KALRN: variants seen among roughly 807,000 people sequenced by gnomAD.
The protein encoded by KALRN is kalirin.
Under a neutral mutation model 353.7 loss-of-function variants are expected in KALRN, and 70 were observed. The ratio of observed to expected loss-of-function variants is 0.20; its 90% CI spans 0.16 to 0.24. KALRN has a LOEUF of 0.24. KALRN is among the 10% of genes least tolerant of loss of function. The pLI, the probability that KALRN is intolerant of heterozygous loss-of-function variation, is 1.00. For synonymous variants in KALRN, 1,391 were observed against 1,434.8 expected (o/e 0.97, Z 0.69); for missense variants, 2,791 against 3,756.7 (o/e 0.74, Z 6.72).
chr3:124,488,374 T>G, intron 29 of KALRN, 59 bp downstream of exon 29: 2 of 1,139,858 alleles, frequency 1.8e-6, no homozygotes, highest in Non-Finnish European at 2.7e-6. Context: ...GGGGAGCTTG[T>G]ATCATGGGAG....
chr3:124,400,158 G>A (rs1217436482), intron 13 of KALRN, among the ~76,000 whole-genome samples: 4 of 151,920 alleles, frequency 2.6e-5, no homozygotes, highest in African/African-American at 9.7e-5. Context: ...TATATCGAAA[G>A]CTCCAATATC....
At position 124,438,892 on chromosome 3, in the gene KALRN, G is replaced by A. The variant is rs776504013; in HGVS notation, c.3053G>A (p.Cys1018Tyr). 3 of 1,613,120 alleles carry A rather than the reference G, an allele frequency of 1.9e-6. No individual in the cohort carries two copies. Among genetic ancestry groups the A allele is most frequent in the Admixed American group, 3.3e-5 (2 of 59,982 alleles). Reference protein sequence around the residue: ...VAFYKTSEQVCSVLESLEQEY... With the variant: ...VAFYKTSEQVYSVLESLEQEY... ...TTTTCTTCCATGATTCACTAGGTGT[G>A]TAGTGTCCTGGAGAGCTTAGAGCAA... The change falls in exon 18 of 60, where the codon TGT (cysteine) becomes TAT (tyrosine). Residue 1018 changes from cysteine to tyrosine, a missense_variant. Cys to Tyr is a radical substitution (Grantham distance 194). This residue lies in a region of KALRN where 452 missense variants were observed against 575.8 expected (regional missense o/e 0.78). Coordinates refer to ENST00000682506, the MANE Select transcript of KALRN (RefSeq NM_001388419.1).
chr3:124,236,393 C>T (rs925234148), intron 3 of KALRN, among the ~76,000 whole-genome samples: 5 of 152,004 alleles, frequency 3.3e-5, no homozygotes, highest in Non-Finnish European at 7.4e-5. Flanking sequence ...AGCAATTTAG[C>T]CATCTAGGAG....
chr3:124,430,984 C>T (rs911654726), intron 16 of KALRN, among the ~76,000 whole-genome samples: 8 of 152,212 alleles, frequency 5.3e-5, no homozygotes, highest in African/African-American at 1.9e-4. Context: ...TATTAGAAAA[C>T]AAGTATTCAC....
At chr3:124,516,944 A>G (rs936124108) in intron 33 of KALRN, among the ~76,000 whole-genome samples, 6 of 152,044 alleles carry the variant, frequency 3.9e-5, no homozygotes, top group Non-Finnish European at 8.8e-5. Flanking sequence ...CAGCCTCCCT[A>G]GCAGCTGGGA....
chr3:124,049,110 G>A (rs2040800250), intron 1 of KALRN, among the ~76,000 whole-genome samples: 1 of 152,178 alleles, frequency 6.6e-6, no homozygotes, highest in Non-Finnish European at 1.5e-5. Context: ...TAAATAAATG[G>A]TAGAGGCCAT....
intron 1 of KALRN, among the ~76,000 whole-genome samples, chr3:124,202,127 C>T (rs1278874272): frequency 6.6e-6 from 1 of 152,230 alleles, no homozygotes; most frequent in Non-Finnish European, 1.5e-5. Context: ...ATTTTATGTG[C>T]TTGGCATGTT....
At chr3:124,642,806 G>GTTTTTTTTTTGTTGTTGTTGTTTTT (rs1553707031) in intron 37 of KALRN, among the ~76,000 whole-genome samples, 5 of 96,816 alleles carry the variant, frequency 5.2e-5, no homozygotes, top group African/African-American at 2.2e-4. Flanking sequence ...CCCAAGCCTC[G>GTTTTTTTTTTGTTGTTGTTGTTTTT]TTTTTTTTTT....
At chr3:124,413,735 A>G in intron 14 of KALRN, 70 bp downstream of exon 14, 1 of 1,172,872 alleles carries the variant, frequency 8.5e-7, no homozygotes, top group Non-Finnish European at 1.2e-6. Flanking sequence ...GCCTGCAAGG[A>G]GCAGTGCCAC....
rs1030001593 is a variant in KALRN, at chr3:124,717,898, G to A, written c.8415+513G>A. ...GCGATCTCGGCTCGCTGCAACCTCCGCCTCCCAGGTACCAGCGATTCTCCT... is the reference window on the plus strand; with the variant it reads ...GCGATCTCGGCTCGCTGCAACCTCCACCTCCCAGGTACCAGCGATTCTCCT... On this transcript the variant is annotated intron_variant, in intron 59 of 59. Coordinates refer to ENST00000682506, the MANE Select transcript of KALRN (RefSeq NM_001388419.1). 4.0e-5 allele frequency among the ~76,000 whole-genome samples: 6 copies of A among 151,100 alleles called. No individual in the cohort carries two copies. The East Asian group carries it at 6.0e-4, about 15-fold the overall frequency.
intron 10 of KALRN, among the ~76,000 whole-genome samples, chr3:124,348,870 AC>A (rs36102971): frequency 0.33 from 50,133 of 151,854 alleles, 9,030 homozygotes; most frequent in Middle Eastern, 0.46. Context: ...GGCACCTGCC[AC>A]CACACCCGGC....
At chr3:124,421,135 C>T (rs1299787847) in intron 14 of KALRN, among the ~76,000 whole-genome samples, 1 of 152,128 alleles carries the variant, frequency 6.6e-6, no homozygotes, top group Non-Finnish European at 1.5e-5. Flanking sequence ...AGGGAAAGGA[C>T]TTGGACAGAA....
At chr3:124,311,772 G>A (rs2078292151) in intron 6 of KALRN, among the ~76,000 whole-genome samples, 1 of 152,202 alleles carries the variant, frequency 6.6e-6, no homozygotes, top group Non-Finnish European at 1.5e-5. Context: ...TGAATGGATA[G>A]ACAAAATGTA....
At chr3:124,584,988 A>C in intron 34 of KALRN, 27 of 770,122 alleles carry the variant, frequency 3.5e-5, no homozygotes, top group East Asian at 5.6e-5. Flanking sequence ...TAGGGAGGGA[A>C]GGGTTGGGGA....
Position 124,466,148 on chromosome 3 carries a change from C to T in KALRN, c.4031+3515C>T, listed in dbSNP as rs561662293. Among the ~76,000 whole-genome samples, 3 of 151,812 alleles carry T rather than the reference C, an allele frequency of 2.0e-5. No individual in the cohort carries two copies. The South Asian group carries it at 6.3e-4, about 32-fold the overall frequency. On this transcript the variant is annotated intron_variant, in intron 25 of 59. Transcript: ENST00000682506. ...ATGGGGAAATTCCCCAGCACCAAAA[C>T]TTCTTTAAAGAACAGTTTAATATGT...
chr3:124,303,813 C>T (rs556224687), intron 6 of KALRN, among the ~76,000 whole-genome samples: 1 of 152,268 alleles, frequency 6.6e-6, no homozygotes, highest in South Asian at 2.1e-4. Context: ...GCCAAAGGCA[C>T]ATATTGCCAC....
chr3:124,070,130 A>G (rs950377470), intron 1 of KALRN, among the ~76,000 whole-genome samples: 8 of 151,902 alleles, frequency 5.3e-5, no homozygotes, highest in African/African-American at 1.5e-4. Flanking sequence ...CAGTTAGTAC[A>G]GTTAGCTGGA....
At position 124,488,207 on chromosome 3, in the gene KALRN, C is replaced by G; in HGVS notation, c.4288C>G (p.Leu1430Val). ...GTCCGGACTTTTTTTTCCCCAGGAA[C>G]TTTTAACTTGCTGTGAAGAAGGGAA... ...ITKYQLLLKE[L>V]LTCCEEGKGE... Residue 1430 changes from leucine to valine, a missense_variant, in exon 29 of 60, where the codon CTT becomes GTT. Leu to Val is a conservative substitution (Grantham distance 32). Around this residue, in one of 11 missense-constraint regions of KALRN, gnomAD observed 54 missense variants for 131.7 expected, o/e 0.41. Coordinates refer to ENST00000682506, the MANE Select transcript of KALRN (RefSeq NM_001388419.1). 1.2e-6 allele frequency: 2 copies of G among 1,610,960 alleles called. No individual in the cohort carries two copies. The highest frequency in any genetic ancestry group is 1.7e-6 in the Non-Finnish European group (2 of 1,177,832).
At chr3:124,221,472 G>GA (rs2077900464) in intron 1 of KALRN, among the ~76,000 whole-genome samples, 1 of 152,176 alleles carries the variant, frequency 6.6e-6, no homozygotes, top group South Asian at 2.1e-4. Context: ...AGTTAATGGG[G>GA]AGTAAACGAA....
Sources: gnomAD v4.1 joint callset for allele counts (sites outside exome capture counted in the v4.1 genomes callset) on GRCh38, gnomAD v4.1.1 for gene constraint, gnomAD v4.1.1 regional missense constraint, MANE v1.5 for transcripts, NCBI Gene and HGNC (gene_info 2026-07-23, HGNC 2026-07-21) for gene names.